ILDR1: variants seen among roughly 807,000 people sequenced by gnomAD.
ILDR1 encodes immunoglobulin-like domain-containing receptor 1.
Under a neutral mutation model 62.4 loss-of-function variants are expected in ILDR1, and 56 were observed. That is an observed-to-expected ratio of 0.90 (90% CI 0.72 to 1.12). ILDR1 has a LOEUF of 1.12. Ranked by LOEUF, ILDR1 falls within the 50% of genes most tolerant of loss-of-function variation. The pLI is 0.00. For missense variants in ILDR1, 736 were observed against 710.6 expected (o/e 1.04, Z -0.41); for synonymous variants, 284 against 277.8 (o/e 1.02, Z -0.22).
chr3:122,031,611 A>T, the ILDR1 span, among the ~76,000 whole-genome samples: 1 of 152,118 alleles, frequency 6.6e-6, no homozygotes, highest in Non-Finnish European at 1.5e-5. Context: ...CATGAATGGG[A>T]TTAGTGCCCT....
At chr3:122,058,344 A>T in the ILDR1 span, among the ~76,000 whole-genome samples, 43 of 152,306 alleles carry the variant, frequency 2.8e-4, no homozygotes, top group African/African-American at 1.0e-3. Flanking sequence ...GCCTCCAGGG[A>T]GTGACTGATG....
chr3:122,005,936 CA>C (rs111865165), intron 2 of ILDR1, among the ~76,000 whole-genome samples: 38,518 of 149,148 alleles, frequency 0.26, 5,641 homozygotes, highest in East Asian at 0.71. Flanking sequence ...AACAAACAAA[CA>C]AAAAAAAAAC....
chr3:121,993,128 C>T (rs1342726913), intron 7 of ILDR1, 22 bp downstream of exon 7: 1 of 1,545,674 alleles, frequency 6.5e-7, no homozygotes, highest in Non-Finnish European at 8.8e-7. Context: ...GCCCAACCCT[C>T]AGCAGGATGC....
At chr3:122,037,815 G>A in the ILDR1 span, among the ~76,000 whole-genome samples, 1 of 152,132 alleles carries the variant, frequency 6.6e-6, no homozygotes, top group South Asian at 2.1e-4. Flanking sequence ...TGGAGGAGAG[G>A]CCTGATGGGA....
chr3:122,016,270 C>T (rs938406715), intron 1 of ILDR1, among the ~76,000 whole-genome samples: 1 of 152,260 alleles, frequency 6.6e-6, no homozygotes, highest in Non-Finnish European at 1.5e-5. Context: ...ACTAAGTGCT[C>T]TTGTGGTACC....
chr3:122,001,940 C>T lies in ILDR1; in HGVS notation c.380-76G>A, dbSNP rs998119169. 4 of 1,546,202 alleles carry T rather than the reference C, an allele frequency of 2.6e-6. No homozygotes were observed. In the African/African-American group the frequency reaches 5.4e-5, roughly 21 times the overall value. On this transcript the variant is annotated intron_variant, in intron 3 of 7. Transcript: ENST00000344209. The stretch of plus-strand genomic sequence containing the variant: ...TTTCTAACCCATGACACCCTCAAGA[C>T]CTGGGCAGCATGGCAAGACCTTGTA...
At chr3:122,015,833 A>G (rs1279352862) in intron 1 of ILDR1, among the ~76,000 whole-genome samples, 2 of 152,048 alleles carry the variant, frequency 1.3e-5, no homozygotes, top group Non-Finnish European at 2.9e-5. Flanking sequence ...CTCCAATTTC[A>G]CTACTATCCT....
chr3:122,003,158 C>A lies in ILDR1; in HGVS notation c.380-1294G>T, dbSNP rs543831107. 2.6e-5 allele frequency among the ~76,000 whole-genome samples: 4 copies of A among 152,322 alleles called. No homozygotes were observed. The East Asian group carries it at 5.8e-4, about 22-fold the overall frequency. Reference sequence around the variant, plus strand: ...CAGCGGCAGGCAGTTCCAGCTCCCCCACCCACAGTAAATGCCACGGAACCT... The same window carrying A: ...CAGCGGCAGGCAGTTCCAGCTCCCCAACCCACAGTAAATGCCACGGAACCT... On this transcript the variant is annotated intron_variant, in intron 3 of 7. Coordinates refer to ENST00000344209, the MANE Select transcript of ILDR1 (RefSeq NM_001199799.2).
intron 5 of ILDR1, 106 bp from the exon 6 acceptor site, chr3:121,994,419 G>T: frequency 1.5e-6 from 2 of 1,312,336 alleles, no homozygotes; most frequent in Non-Finnish European, 2.0e-6. Context: ...AGCTTCTCTT[G>T]TCCATTCTCA....
At chr3:122,051,276 T>C in the ILDR1 span, among the ~76,000 whole-genome samples, 5 of 152,214 alleles carry the variant, frequency 3.3e-5, no homozygotes, top group Non-Finnish European at 1.5e-5. Flanking sequence ...TTTGATGGTG[T>C]CCAATAAGTC....
the ILDR1 span, among the ~76,000 whole-genome samples, chr3:122,040,447 G>A: frequency 3.0e-5 from 4 of 134,464 alleles, no homozygotes; most frequent in African/African-American, 1.0e-4. Context: ...ATGCAAACAT[G>A]TTTGGAAAGG....
chr3:122,015,893 G>A (rs2071769934), intron 1 of ILDR1, among the ~76,000 whole-genome samples: 1 of 152,106 alleles, frequency 6.6e-6, no homozygotes, highest in Non-Finnish European at 1.5e-5. Context: ...TGCTTACCTA[G>A]TACTGTACTC....
intron 5 of ILDR1, among the ~76,000 whole-genome samples, chr3:122,000,262 A>G (rs79050585): frequency 5.7e-4 from 87 of 151,596 alleles, no homozygotes; most frequent in African/African-American, 1.6e-3. Context: ...GGAAAAAAAA[A>G]AAAAAAGAAA....
chr3:122,007,076 G>A lies in ILDR1; in HGVS notation c.144C>T (p.Thr48=). Residue 48 remains threonine, a synonymous_variant, in exon 2 of 8, where the codon ACC becomes ACT. Coordinates refer to ENST00000344209, the MANE Select transcript of ILDR1 (RefSeq NM_001199799.2). ...FASIILKCDY[T]TSAQLQDVVV... is the part of the protein sequence containing the mutation. ...CCACGTCCTGGAGCTGGGCAGAGGT[G>A]GTGTAGTCACATTTGAGGATGATAG... 6.2e-7 allele frequency: 1 copy of A among 1,614,086 alleles called. No individual in the cohort carries two copies.
chr3:122,024,089 A>G (rs144512570), upstream of ILDR1, among the ~76,000 whole-genome samples: 5 of 150,336 alleles, frequency 3.3e-5, no homozygotes, highest in African/African-American at 1.2e-4. Context: ...CATTTCTCCC[A>G]TGTTTGTTCC....
Position 121,988,375 on chromosome 3 carries a change from C to T in ILDR1, c.1633G>A (p.Val545Ile), listed in dbSNP as rs1425288512. The T allele has an allele frequency of 3.7e-6, 6 of 1,613,508 alleles. No homozygotes were observed. In the African/African-American group the frequency reaches 6.7e-5, roughly 18 times the overall value. ...TGTGCTGTGCTTGGTGACTAAATGA[C>T]CACACTCCTTCCACTATGAGAGCTG... ...KDSSHSGRSV[V>I]I Residue 545 changes from valine to isoleucine, a missense_variant, in exon 8 of 8, where the codon GTC (valine) becomes ATC (isoleucine). Val to Ile is a conservative substitution (Grantham distance 29). Coordinates refer to ENST00000344209, the MANE Select transcript of ILDR1 (RefSeq NM_001199799.2).
At chr3:121,994,971 G>C (rs998113538) in intron 5 of ILDR1, among the ~76,000 whole-genome samples, 1 of 152,114 alleles carries the variant, frequency 6.6e-6, no homozygotes, top group African/African-American at 2.4e-5. Context: ...CCCTAAGTAG[G>C]GGAATTTCTC....
chr3:122,044,889 T>TTG, the ILDR1 span, among the ~76,000 whole-genome samples: 8 of 150,718 alleles, frequency 5.3e-5, no homozygotes, highest in Admixed American at 5.3e-4. Context: ...CATTGATTTT[T>TTG]TGAAGGGTTT....
At chr3:122,045,641 C>T in the ILDR1 span, among the ~76,000 whole-genome samples, 1 of 151,542 alleles carries the variant, frequency 6.6e-6, no homozygotes, top group Non-Finnish European at 1.5e-5. Context: ...GTTAGCTCCT[C>T]TTGTTGAATT....
Sources: allele counts gnomAD v4.1 joint callset (sites outside exome capture counted in the v4.1 genomes callset), GRCh38; gene constraint gnomAD v4.1.1; transcripts MANE v1.5; gene names NCBI Gene and HGNC (gene_info 2026-07-23, HGNC 2026-07-21).